Variants in KCNN2 observed in about 807,000 individuals in gnomAD.
KCNN2 encodes potassium calcium-activated channel subfamily N member 2, also known as small conductance calcium-activated potassium channel protein 2.
KCNN2 carries 24 observed loss-of-function variants against 55.5 expected under a neutral mutation model. The observed-to-expected ratio is 0.43, with a 90% CI of 0.31 to 0.61. KCNN2 has a LOEUF of 0.61. KCNN2 is among the 20% of genes least tolerant of loss of function. The pLI is 0.08. For missense variants in KCNN2, 754 were observed against 853.6 expected (o/e 0.88, Z 1.45); for synonymous variants, 431 against 336.1 (o/e 1.28, Z -3.09).
intron 1 of KCNN2, among the ~76,000 whole-genome samples, chr5:114,074,807 G>C (rs565757541): frequency 2.0e-5 from 3 of 152,064 alleles, no homozygotes; most frequent in African/African-American, 7.3e-5. Context: ...ATAGAAAGAA[G>C]AAAGTCAGTC....
At position 114,457,516 on chromosome 5, in the gene KCNN2, C is replaced by T. The variant is rs143174699; in HGVS notation, c.1638-5533C>T. On this transcript the variant is annotated intron_variant, in intron 3 of 7. Coordinates refer to ENST00000673685, the MANE Select transcript of KCNN2 (RefSeq NM_021614.4). ...CCCCAGGTATGACTGCACTTACACA[C>T]TTAGGCATACTATACCTATGTTATC... 1.4e-4 allele frequency among the ~76,000 whole-genome samples: 21 copies of T among 152,304 alleles called. No homozygotes were observed. The East Asian group carries it at 3.7e-3, about 27-fold the overall frequency.
At chr5:114,094,831 G>T (rs924937227) in intron 1 of KCNN2, among the ~76,000 whole-genome samples, 37 of 151,888 alleles carry the variant, frequency 2.4e-4, no homozygotes, top group Non-Finnish European at 3.2e-4. Context: ...GAAACTTAGG[G>T]TCCTCATTAT....
intron 1 of KCNN2, among the ~76,000 whole-genome samples, chr5:114,094,955 A>G (rs927767686): frequency 5.3e-5 from 8 of 152,076 alleles, no homozygotes; most frequent in Non-Finnish European, 1.0e-4. Flanking sequence ...AATTTTCTCT[A>G]TCAACTGCTT....
intron 2 of KCNN2, among the ~76,000 whole-genome samples, chr5:114,365,528 A>G (rs1030068867): frequency 6.6e-6 from 1 of 152,236 alleles, no homozygotes; most frequent in Non-Finnish European, 1.5e-5. Context: ...CAGTTTACAG[A>G]TAAGGAATCT....
chr5:114,419,533 A>G (rs886771210), intron 3 of KCNN2, among the ~76,000 whole-genome samples: 18 of 152,248 alleles, frequency 1.2e-4, no homozygotes, highest in African/African-American at 3.6e-4. Context: ...AATAATCACT[A>G]TAATATCTTT....
At chr5:114,395,753 G>A (rs565002323) in intron 2 of KCNN2, among the ~76,000 whole-genome samples, 40 of 152,078 alleles carry the variant, frequency 2.6e-4, no homozygotes, top group African/African-American at 6.5e-4. Context: ...TTTAATTGAC[G>A]GCACCTAGCC....
At chr5:114,214,258 C>T (rs569000482) in intron 1 of KCNN2, among the ~76,000 whole-genome samples, 49 of 151,734 alleles carry the variant, frequency 3.2e-4, no homozygotes, top group African/African-American at 1.1e-3. Context: ...CAGCTATAGA[C>T]GATGTATAGA....
intron 3 of KCNN2, among the ~76,000 whole-genome samples, chr5:114,453,868 C>G (rs1347648706): frequency 6.6e-6 from 1 of 151,940 alleles, no homozygotes; most frequent in East Asian, 1.9e-4. Context: ...AGGTTTGTTA[C>G]ATTGATATAC....
At chr5:114,292,266 C>T (rs1488983264) in intron 2 of KCNN2, among the ~76,000 whole-genome samples, 1 of 152,198 alleles carries the variant, frequency 6.6e-6, no homozygotes, top group African/African-American at 2.4e-5. Context: ...AGTCCTTGTC[C>T]ATGCCTATGG....
chr5:114,468,566 G>T (rs184698739), intron 4 of KCNN2, among the ~76,000 whole-genome samples: 55 of 152,110 alleles, frequency 3.6e-4, no homozygotes, highest in South Asian at 1.9e-3. Context: ...TAATAAACTG[G>T]CTGTCAAACT....
chr5:114,252,673 C>A (rs1318371026), intron 2 of KCNN2, among the ~76,000 whole-genome samples: 2 of 151,790 alleles, frequency 1.3e-5, no homozygotes, highest in African/African-American at 2.4e-5. Context: ...CCAACCCCCA[C>A]CCCCCAACCT....
chr5:114,094,533 C>G (rs1384461808), intron 1 of KCNN2, among the ~76,000 whole-genome samples: 1 of 152,096 alleles, frequency 6.6e-6, no homozygotes, highest in Non-Finnish European at 1.5e-5. Flanking sequence ...GATAATTGGG[C>G]TTAGGATTTA....
intron 2 of KCNN2, among the ~76,000 whole-genome samples, chr5:114,254,182 G>T (rs910783853): frequency 2.6e-5 from 4 of 152,058 alleles, no homozygotes; most frequent in African/African-American, 9.7e-5. Flanking sequence ...AGACTATTTA[G>T]AAGAGGCTCT....
chr5:114,389,407 C>T (rs564959099), intron 2 of KCNN2, among the ~76,000 whole-genome samples: 2 of 152,260 alleles, frequency 1.3e-5, no homozygotes, highest in African/African-American at 4.8e-5. Context: ...TGCTTGGGTT[C>T]ATATGCTAGC....
intron 1 of KCNN2, among the ~76,000 whole-genome samples, chr5:114,074,692 G>A (rs1350258547): frequency 6.6e-6 from 1 of 152,116 alleles, no homozygotes; most frequent in Non-Finnish European, 1.5e-5. Context: ...CTGGGTAAGA[G>A]GAAATTGACT....
intron 1 of KCNN2, among the ~76,000 whole-genome samples, chr5:114,185,452 A>G (rs1353753339): frequency 6.6e-6 from 1 of 152,232 alleles, no homozygotes; most frequent in Non-Finnish European, 1.5e-5. Context: ...CAGGAAGTTC[A>G]TGACATTTGC....
intron 1 of KCNN2, among the ~76,000 whole-genome samples, chr5:114,067,093 G>A (rs1750467882): frequency 6.6e-6 from 1 of 152,166 alleles, no homozygotes; most frequent in South Asian, 2.1e-4. Context: ...CCAGTCATAA[G>A]AAATGTGCTA....
At position 114,373,657 on chromosome 5, in the gene KCNN2, T is replaced by TATATATATATATAA. The variant is rs1175218618; in HGVS notation, c.1218+9657_1218+9658insTATATATATATAAA. Among the ~76,000 whole-genome samples the TATATATATATATAA allele has an allele frequency of 1.2e-3, 137 of 117,646 alleles. 11 individuals carry two copies. Among genetic ancestry groups the TATATATATATATAA allele is most frequent in the African/African-American group, 3.9e-3 (132 of 33,858 alleles). The allele number at this position is 117,646 out of a possible 152,430, so 77.2% of individuals were successfully genotyped here. On this transcript the variant is annotated intron_variant, in intron 2 of 7. Transcript: ENST00000673685. ...TGAAGATTTTATATATATATATATA[T>TATATATATATATAA]AAAATTACTTGGAACACTGCCTGGC... is the stretch of plus-strand genomic sequence containing the variant.
In KCNN2 at chr5:114,066,480, G is replaced by A. The variant is rs569106896; in HGVS notation, c.-271+9980G>A. On this transcript the variant is annotated intron_variant, in intron 1 of 10. Coordinates refer to the KCNN2 transcript ENST00000512097. ...ATTAAAAATGCTGTATCAGAAAAAC[G>A]TGAATGAATGCCGGGATGGCAGTAA... 2.6e-5 allele frequency among the ~76,000 whole-genome samples: 4 copies of A among 152,380 alleles called. No homozygotes were observed. In the South Asian group the frequency reaches 6.2e-4, roughly 24 times the overall value.
Sources: allele counts gnomAD v4.1 joint callset (sites outside exome capture counted in the v4.1 genomes callset), GRCh38; gene constraint gnomAD v4.1.1; transcripts MANE v1.5; gene names NCBI Gene and HGNC (gene_info 2026-07-23, HGNC 2026-07-21).